GLYATL2: variants seen among roughly 807,000 people sequenced by gnomAD.
GLYATL2 encodes the protein glycine-N-acyltransferase like 2, also known as glycine N-acyltransferase-like protein 2.
In GLYATL2, 25 loss-of-function variants were observed where a neutral mutation model predicts 21.4. The observed-to-expected ratio is 1.17, with a 90% CI of 0.85 to 1.63. The LOEUF is 1.63. Ranked by LOEUF, GLYATL2 falls within the 40% of genes most tolerant of loss-of-function variation. The pLI, the probability that GLYATL2 is intolerant of heterozygous loss-of-function variation, is 0.00. For missense variants in GLYATL2, 361 were observed against 343.3 expected (o/e 1.05, Z -0.41); for synonymous variants, 114 against 118.2 (o/e 0.96, Z 0.23).
At chr11:58,843,334 G>T (rs1474639717) in intron 1 of GLYATL2, among the ~76,000 whole-genome samples, 4 of 152,152 alleles carry the variant, frequency 2.6e-5, no homozygotes, top group Non-Finnish European at 5.9e-5. Context: ...AACAGTTAGG[G>T]TTTAAATGGC....
chr11:58,871,264 T>G lies in GLYATL2; in HGVS notation n.60+32892A>C, dbSNP rs116561991. 5.4e-3 allele frequency among the ~76,000 whole-genome samples: 812 copies of G among 151,378 alleles called. 8 individuals are homozygous for G. Among genetic ancestry groups the G allele is most frequent in the African/African-American group, 0.019 (781 of 40,928 alleles). On this transcript the variant is annotated intron_variant and non_coding_transcript_variant, in intron 1 of 4. Transcript: ENST00000533636. ...TAGTCATTGGGAGGTAGAATGATTTTATTTTATTTTATTTATTTATTTATT... is the reference window on the plus strand; with the variant it reads ...TAGTCATTGGGAGGTAGAATGATTTGATTTTATTTTATTTATTTATTTATT...
At chr11:58,846,248 T>C (rs1365056367), upstream of GLYATL2, among the ~76,000 whole-genome samples, 1 of 152,104 alleles carries the variant, frequency 6.6e-6, no homozygotes, top group Admixed American at 6.6e-5. Flanking sequence ...TTTATATAGT[T>C]TATAATGGGG....
chr11:58,866,721 C>T (rs990518385), intron 1 of GLYATL2, among the ~76,000 whole-genome samples: 2 of 149,088 alleles, frequency 1.3e-5, no homozygotes, highest in Admixed American at 1.4e-4. Context: ...AGAGATCGAT[C>T]AGGAATGTAC....
At chr11:58,854,689 GAAAT>G (rs764461508) in intron 1 of GLYATL2, among the ~76,000 whole-genome samples, 134,801 of 151,994 alleles carry the variant, frequency 0.89, 60,946 homozygotes, top group Non-Finnish European at 0.98. Flanking sequence ...AGATTTGTCT[GAAAT>G]CAAAATGCTA....
At chr11:58,841,562 CAT>C (rs960072253) in intron 1 of GLYATL2, among the ~76,000 whole-genome samples, 2 of 152,170 alleles carry the variant, frequency 1.3e-5, no homozygotes, top group Non-Finnish European at 2.9e-5. Flanking sequence ...CGGACAGAAA[CAT>C]AAATGAAGAA....
intron 1 of GLYATL2, among the ~76,000 whole-genome samples, chr11:58,886,449 T>C (rs1045888859): frequency 6.6e-6 from 1 of 152,206 alleles, no homozygotes; most frequent in African/African-American, 2.4e-5. Flanking sequence ...GAATTCAAGT[T>C]CATTGCACTC....
At position 58,839,560 on chromosome 11, in the gene GLYATL2, T is replaced by A. The variant is rs1345204152; in HGVS notation, c.53A>T (p.Glu18Val). The change falls in exon 2 of 6, where the codon GAA becomes GTA. Residue 18 changes from glutamate (E) to valine (V), a missense_variant. Transcript: ENST00000287275. ...QKLQILYKSL[E>V]KSIPESIKVY... is the part of the protein sequence containing the mutation. ...CTTTATGGATTCAGGGATGCTCTTTTCTAAGGATTTATACAGAATCTGCAG... is the reference window on the plus strand; with the variant it reads ...CTTTATGGATTCAGGGATGCTCTTTACTAAGGATTTATACAGAATCTGCAG... 6.2e-7 allele frequency: 1 copy of A among 1,611,470 alleles called. No individual in the cohort carries two copies. The highest frequency in any genetic ancestry group is 8.5e-7 in the Non-Finnish European group (1 of 1,178,270).
chr11:58,887,100 C>T (rs1854455897), intron 1 of GLYATL2, among the ~76,000 whole-genome samples: 1 of 152,156 alleles, frequency 6.6e-6, no homozygotes, highest in African/African-American at 2.4e-5. Flanking sequence ...ATTTCAGTAA[C>T]TTTGTAGTTA....
chr11:58,837,160 C>G lies in GLYATL2; in HGVS notation c.331G>C (p.Asp111His), dbSNP rs1381582165. 8.1e-6 allele frequency: 13 copies of G among 1,613,736 alleles called. No homozygotes were observed. Among genetic ancestry groups the G allele is most frequent in the Non-Finnish European group, 1.1e-5 (13 of 1,179,826 alleles). ...GTTGCAACCTTTCTTATTGCTTCAT[C>G]CAAGCCCTCTTGGCAACCTGGAGAA... ...LQIQGCQEGL[D>H]EAIRKVATSK... is the part of the protein sequence containing the mutation. The change falls in exon 5 of 6, where the codon GAT becomes CAT. Residue 111 changes from aspartate (D) to histidine (H), a missense_variant. By Grantham distance (81) the Asp-to-His change is moderately conservative (BLOSUM62 -1). Coordinates refer to ENST00000287275, the MANE Select transcript of GLYATL2 (RefSeq NM_145016.4).
At chr11:58,838,146 A>G in intron 3 of GLYATL2, 115 bp downstream of exon 3, 1 of 661,148 alleles carries the variant, frequency 1.5e-6, no homozygotes, top group East Asian at 2.8e-5. Flanking sequence ...CAAAACCTGC[A>G]TACATCAACA....
chr11:58,905,668 G>T (rs769838826), upstream of GLYATL2: 1 of 455,186 alleles, frequency 2.2e-6, no homozygotes, highest in Non-Finnish European at 4.4e-6. Context: ...CCTGGTACGC[G>T]GGAACTGGCT....
At chr11:58,875,900 C>T (rs1424976807) in intron 1 of GLYATL2, among the ~76,000 whole-genome samples, 1 of 152,206 alleles carries the variant, frequency 6.6e-6, no homozygotes, top group African/African-American at 2.4e-5. Context: ...AACTTGGTTC[C>T]ATTCTCCCCG....
chr11:58,872,648 C>G (rs1297717522), intron 1 of GLYATL2, among the ~76,000 whole-genome samples: 1 of 152,212 alleles, frequency 6.6e-6, no homozygotes, highest in South Asian at 2.1e-4. Flanking sequence ...ATCTATGTCT[C>G]TGTTTTGGTG....
upstream of GLYATL2, among the ~76,000 whole-genome samples, chr11:58,847,912 C>G (rs1238773306): frequency 6.6e-6 from 1 of 151,792 alleles, no homozygotes; most frequent in African/African-American, 2.4e-5. Context: ...CAGGCCTGAT[C>G]TAGCACAGTC....
At chr11:58,851,681 A>G (rs1248139713) in intron 1 of GLYATL2, among the ~76,000 whole-genome samples, 1 of 152,234 alleles carries the variant, frequency 6.6e-6, no homozygotes, top group Non-Finnish European at 1.5e-5. Context: ...TTACTATTAT[A>G]TGGTTCCTGG....
intron 1 of GLYATL2, chr11:58,893,341 C>T: frequency 4.8e-6 from 1 of 206,844 alleles, no homozygotes; most frequent in Non-Finnish European, 1.1e-5. Flanking sequence ...TCCATTTTAC[C>T]TCTCTGTGCT....
chr11:58,857,901 A>G (rs1302038616), intron 1 of GLYATL2, among the ~76,000 whole-genome samples: 1 of 150,504 alleles, frequency 6.6e-6, no homozygotes, highest in Non-Finnish European at 1.5e-5. Flanking sequence ...AAAAAAAAAA[A>G]AAAAAAAAAA....
upstream of GLYATL2, among the ~76,000 whole-genome samples, chr11:58,906,520 G>C (rs2134637247): frequency 6.6e-6 from 1 of 152,232 alleles, no homozygotes. Context: ...ACTCCTAGGT[G>C]GAGACTGAGG....
chr11:58,871,347 A>G (rs1854115438), intron 1 of GLYATL2, among the ~76,000 whole-genome samples: 1 of 151,894 alleles, frequency 6.6e-6, no homozygotes, highest in Non-Finnish European at 1.5e-5. Flanking sequence ...GGTTTGCTAC[A>G]TATGTATACA....
Sources: allele counts gnomAD v4.1 joint callset (sites outside exome capture counted in the v4.1 genomes callset), GRCh38; gene constraint gnomAD v4.1.1; transcripts MANE v1.5; gene names NCBI Gene and HGNC (gene_info 2026-07-23, HGNC 2026-07-21).